MTMR1: variants seen among roughly 807,000 people sequenced by gnomAD.
MTMR1 encodes the protein myotubularin related protein 1, also known as phosphatidylinositol-3-phosphate phosphatase MTMR1.
Under a neutral mutation model 51.6 loss-of-function variants are expected in MTMR1, and 17 were observed. That is an observed-to-expected ratio of 0.33 (90% CI 0.23 to 0.49). The LOEUF (loss-of-function observed/expected upper bound fraction) is 0.49. Among genes scored for constraint, MTMR1 ranks in the 20% least tolerant of loss-of-function variants. MTMR1 has a pLI of 0.99. For synonymous variants in MTMR1, 201 were observed against 205.6 expected, an observed-to-expected ratio of 0.98 and a Z score of 0.19; for missense variants, 386 against 526.9, an observed-to-expected ratio of 0.73 and a Z score of 2.62.
At chrX:150,751,662 C>T (rs782758018) in intron 14 of MTMR1, among the ~76,000 whole-genome samples, 1 of 110,672 alleles carries the variant, frequency 9.0e-6, no homozygotes, top group Admixed American at 9.6e-5. Flanking sequence ...AGTCCCAGGT[C>T]CTCTTCTCCC....
Position 150,764,788 on chromosome X carries a change from T to G in MTMR1, c.*2059T>G, listed in dbSNP as rs1345602909. On this transcript the variant is annotated 3_prime_UTR_variant, in exon 16 of 16. Coordinates refer to ENST00000445323, the MANE Select transcript of MTMR1 (RefSeq NM_001306144.3). Reference sequence around the variant, plus strand: ...AAGTATAGTTTTGTTATCTAAGCAATTTTTGTTTTAAGTAAGTAAGTGTAC... The same window carrying G: ...AAGTATAGTTTTGTTATCTAAGCAAGTTTTGTTTTAAGTAAGTAAGTGTAC... 1 of 112,941 alleles carries G rather than the reference T, an allele frequency of 8.9e-6. No individual in the cohort carries two copies. The highest frequency in any genetic ancestry group is 1.9e-5 in the Non-Finnish European group (1 of 53,369). The allele number at this position is 112,941 out of a possible 1,213,427, so 9.3% of individuals were successfully genotyped here. A position where few individuals can be genotyped will look rare whatever the true frequency, so the allele number is the denominator to read the frequency against.
In MTMR1 at chrX:150,719,397, C is replaced by G. The variant is rs180896954; in HGVS notation, c.352+697C>G. Reference sequence around the variant, plus strand: ...TCTTGTGCCAAGAATATTTGAGTAGCGGGGCTCTCCCACCAGATCCTCCAA... The same window carrying G: ...TCTTGTGCCAAGAATATTTGAGTAGGGGGGCTCTCCCACCAGATCCTCCAA... On this transcript the variant is annotated intron_variant, in intron 4 of 15. Coordinates refer to ENST00000445323, the MANE Select transcript of MTMR1 (RefSeq NM_001306144.3). Among the ~76,000 whole-genome samples the G allele has an allele frequency of 3.6e-5, 4 of 111,969 alleles. No homozygotes were observed. The Admixed American group carries it at 3.8e-4, about 11-fold the overall frequency.
intron 13 of MTMR1, among the ~76,000 whole-genome samples, chrX:150,745,129 A>G (rs1369295770): frequency 2.7e-5 from 3 of 111,841 alleles, no homozygotes; most frequent in Non-Finnish European, 5.6e-5. Flanking sequence ...TTTCCCCCTC[A>G]TCTCCAACAT....
rs782106981 is a variant in MTMR1 at position 150,763,853 on chromosome X, T to G, written c.*1124T>G. 2 of 112,436 alleles carry G rather than the reference T, an allele frequency of 1.8e-5. No individual in the cohort carries two copies. The highest frequency in any genetic ancestry group is 1.9e-4 in the Admixed American group (2 of 10,624). The allele number at this position is 112,436 out of a possible 1,213,427, so 9.3% of individuals were successfully genotyped here. A position where few individuals can be genotyped will look rare whatever the true frequency, so the allele number is the denominator to read the frequency against. ...CTCTTCCCGCTCCTGAACCTTTACT[T>G]ACTGACTTTGAGCTCTGTGACTCCG... On this transcript the variant is annotated 3_prime_UTR_variant, in exon 16 of 16. Coordinates refer to ENST00000445323, the MANE Select transcript of MTMR1 (RefSeq NM_001306144.3).
intron 4 of MTMR1, among the ~76,000 whole-genome samples, chrX:150,721,347 G>A (rs191672484): frequency 9.0e-6 from 1 of 111,730 alleles, no homozygotes; most frequent in Non-Finnish European, 1.9e-5. Context: ...TTAGTTTTCC[G>A]GGATAGCTTA....
In MTMR1 at chrX:150,738,373, G is replaced by C. The variant is rs146653392; in HGVS notation, c.1473+925G>C. 2.0e-3 allele frequency among the ~76,000 whole-genome samples: 221 copies of C among 112,303 alleles called. 1 individual carries two copies. The highest frequency in any genetic ancestry group is 6.9e-3 in the African/African-American group (213 of 30,876). On this transcript the variant is annotated intron_variant, in intron 12 of 15. Coordinates refer to ENST00000445323, the MANE Select transcript of MTMR1 (RefSeq NM_001306144.3). The stretch of plus-strand genomic sequence containing the variant: ...TGTATATACCACATGTTGTTTATCT[G>C]CTCATCTGCTGATGGATGCTTGGAT...
At position 150,755,733 on chromosome X, in the gene MTMR1, C is replaced by G. The variant is rs1280353417; in HGVS notation, c.1725C>G (p.Ser575Arg). The G allele has an allele frequency of 1.7e-6, 2 of 1,202,592 alleles. No individual in the cohort carries two copies. The highest frequency in any genetic ancestry group is 3.5e-5 in the African/African-American group (2 of 56,640). The change falls in exon 15 of 16, where the codon AGC (serine) becomes AGG (arginine). Residue 575 changes from serine to arginine, a missense_variant. By Grantham distance (110) the Ser-to-Arg change is moderately radical (BLOSUM62 -1). Coordinates refer to ENST00000445323, the MANE Select transcript of MTMR1 (RefSeq NM_001306144.3). ...KTISLWSYIN[S>R]QLDEFSNPFF... is the part of the protein sequence containing the mutation. ...TATCTTTATGGTCGTATATCAATAG[C>G]CAGCTAGACGAGTTTTCTAATCCCT...
chrX:150,718,581 GTCCTTTT>G (rs1388789062), intron 3 of MTMR1, 37 bp from the exon 4 acceptor site: 3 of 576,372 alleles, frequency 5.2e-6, no homozygotes, highest in African/African-American at 5.7e-5. Context: ...CCCGTTTGGT[GTCCTTTT>G]TTTTTTTTTT....
intron 3 of MTMR1, among the ~76,000 whole-genome samples, chrX:150,715,186 G>T (rs2041460722): frequency 8.9e-6 from 1 of 111,933 alleles, no homozygotes; most frequent in Non-Finnish European, 1.9e-5. Flanking sequence ...GCAACTTGAA[G>T]AGCCCAGTTT....
intron 2 of MTMR1, among the ~76,000 whole-genome samples, chrX:150,710,651 G>C (rs1219652139): frequency 2.7e-5 from 3 of 112,522 alleles, no homozygotes; most frequent in African/African-American, 9.7e-5. Context: ...GTGAGCCACT[G>C]CGCCCGGCCA....
In MTMR1 at chrX:150,764,027, C is replaced by T. The variant is rs1557418278; in HGVS notation, c.*1298C>T. The T allele has an allele frequency of 8.9e-6, 1 of 112,219 alleles. No individual in the cohort carries two copies. Among genetic ancestry groups the T allele is most frequent in the African/African-American group, 3.2e-5 (1 of 30,894 alleles). 9.2% of individuals were successfully genotyped at this position (112,219 alleles called of 1,213,427 possible). A position where few individuals can be genotyped will look rare whatever the true frequency, so the allele number is the denominator to read the frequency against. On this transcript the variant is annotated 3_prime_UTR_variant, in exon 16 of 16. Transcript: ENST00000445323. ...GCCATGCCCCTCCCATGTGCCGTGC[C>T]TGTTGCTGCAGCTGCCCCCCCACCC...
rs1021700029 is a variant in MTMR1 at position 150,763,016 on chromosome X, C to T, written c.*287C>T. On this transcript the variant is annotated 3_prime_UTR_variant, in exon 16 of 16. Transcript: ENST00000445323. ...AGTACTGAGGTTCAAGAAAGCTGTACGCCATTTCTTTCCAACTTAAATCCT... is the reference window on the plus strand; with the variant it reads ...AGTACTGAGGTTCAAGAAAGCTGTATGCCATTTCTTTCCAACTTAAATCCT... 19 of 239,750 alleles carry T rather than the reference C, an allele frequency of 7.9e-5. No homozygotes were observed. The highest frequency in any genetic ancestry group is 3.1e-4 in the Admixed American group (5 of 16,051). The allele number at this position is 239,750 out of a possible 1,213,427, so 19.8% of individuals were successfully genotyped here.
Position 150,739,331 on chromosome X carries a change from G to T in MTMR1, c.1473+1883G>T, listed in dbSNP as rs191677269. Among the ~76,000 whole-genome samples, 159 of 112,680 alleles carry T rather than the reference G, an allele frequency of 1.4e-3. 2 individuals carry two copies. Among genetic ancestry groups the T allele is most frequent in the Admixed American group, 0.014 (146 of 10,706 alleles). Reference sequence around the variant, plus strand: ...ATGTTTAGGGCAGTGTTTGGCCCATGCTAAGTGCCAGGGAAGTTTTAAACA... The same window carrying T: ...ATGTTTAGGGCAGTGTTTGGCCCATTCTAAGTGCCAGGGAAGTTTTAAACA... On this transcript the variant is annotated intron_variant, in intron 12 of 15. Coordinates refer to ENST00000445323, the MANE Select transcript of MTMR1 (RefSeq NM_001306144.3).
At chrX:150,761,729 G>A (rs2043138736) in intron 15 of MTMR1, among the ~76,000 whole-genome samples, 1 of 112,235 alleles carries the variant, frequency 8.9e-6, no homozygotes, top group Non-Finnish European at 1.9e-5. Flanking sequence ...ACTCTGGTCA[G>A]CCTTGCCCCC....
intron 15 of MTMR1, among the ~76,000 whole-genome samples, chrX:150,762,245 G>A (rs942665240): frequency 2.7e-5 from 3 of 112,632 alleles, no homozygotes; most frequent in African/African-American, 9.7e-5. Flanking sequence ...TGCACACGGC[G>A]CCCTCGGTTG....
intron 2 of MTMR1, among the ~76,000 whole-genome samples, chrX:150,707,184 A>T (rs1258024640): frequency 1.8e-5 from 2 of 112,027 alleles, no homozygotes; most frequent in African/African-American, 6.5e-5. Flanking sequence ...ATCTGGGGCT[A>T]GGTAAATCAT....
intron 8 of MTMR1, among the ~76,000 whole-genome samples, chrX:150,731,199 G>T (rs781905717): frequency 3.6e-5 from 4 of 112,097 alleles, no homozygotes; most frequent in African/African-American, 9.7e-5. Flanking sequence ...TAGAAAATAG[G>T]ACAAGAAATA....
In MTMR1 at chrX:150,755,882, C is replaced by A. The variant is rs1557417745; in HGVS notation, c.1857+17C>A. Reference sequence around the variant, plus strand: ...AGACCTCAGGTATCTTTTTGTTTTTCTTTTCATGAATGAGAGAGTTTGCCT... The same window carrying A: ...AGACCTCAGGTATCTTTTTGTTTTTATTTTCATGAATGAGAGAGTTTGCCT... On this transcript the variant is annotated intron_variant, in intron 15 of 15. Coordinates refer to ENST00000445323, the MANE Select transcript of MTMR1 (RefSeq NM_001306144.3). 8.6e-7 allele frequency: 1 copy of A among 1,165,868 alleles called. No individual in the cohort carries two copies.
intron 12 of MTMR1, among the ~76,000 whole-genome samples, chrX:150,743,015 G>A (rs1359869335): frequency 9.0e-6 from 1 of 110,731 alleles, no homozygotes; most frequent in African/African-American, 3.3e-5. Context: ...TGGGTATAGA[G>A]TTTCTGTTTG....
Sources: allele counts gnomAD v4.1 joint callset (sites outside exome capture counted in the v4.1 genomes callset), GRCh38; gene constraint gnomAD v4.1.1; transcripts MANE v1.5; gene names NCBI Gene and HGNC (gene_info 2026-07-23, HGNC 2026-07-21).